Variants in CFAP54 observed in about 807,000 individuals in gnomAD.
CFAP54 encodes the protein cilia and flagella associated protein 54, also known as cilia- and flagella-associated protein 54.
A neutral mutation model predicts 370.4 loss-of-function variants in CFAP54; 290 were observed. The ratio of observed to expected loss-of-function variants is 0.78; its 90% confidence interval spans 0.71 to 0.86. The LOEUF is 0.86. Among genes scored for constraint, CFAP54 ranks in the 40% least tolerant of loss-of-function variants. CFAP54 has a pLI of 0.00. For missense variants in CFAP54, 3,399 were observed against 3,528.7 expected (o/e 0.96, Z 0.93); for synonymous variants, 1,206 against 1,236.5 (o/e 0.98, Z 0.52).
chr12:96,749,528 G>A (rs145110694), intron 55 of CFAP54, among the ~76,000 whole-genome samples: 221 of 152,298 alleles, frequency 1.5e-3, no homozygotes, highest in African/African-American at 5.0e-3. Flanking sequence ...GCACTATTGA[G>A]TGTTGACTAT....
intron 12 of CFAP54, 48 bp from the exon 13 acceptor site, chr12:96,538,336 A>G: frequency 6.3e-6 from 9 of 1,417,844 alleles, no homozygotes; most frequent in Non-Finnish European, 8.6e-6. Flanking sequence ...TGTTATATAC[A>G]TGTATTTTAT....
intron 26 of CFAP54, among the ~76,000 whole-genome samples, chr12:96,614,044 G>C (rs1269786552): frequency 1.3e-5 from 2 of 152,064 alleles, no homozygotes; most frequent in African/African-American, 4.8e-5. Context: ...ACCAAAGCCG[G>C]GCAGAGACAC....
chr12:96,679,474 T>C (rs1179602719), intron 39 of CFAP54, 126 bp from the exon 40 acceptor site: 15 of 948,214 alleles, frequency 1.6e-5, no homozygotes, highest in Non-Finnish European at 1.5e-6. Context: ...GCTGCAGATC[T>C]GGGGGCTTTG....
chr12:96,680,809 C>T lies in CFAP54; in HGVS notation c.5716+1057C>T, dbSNP rs532320775. The stretch of plus-strand genomic sequence containing the variant: ...TTAACAATGGGTAAGGCTGACTGGG[C>T]GCCGTGGCTCACGCCTGTAATCCCA... On this transcript the variant is annotated intron_variant, in intron 40 of 67. Coordinates refer to ENST00000524981, the MANE Select transcript of CFAP54 (RefSeq NM_001306084.2). Among the ~76,000 whole-genome samples the T allele has an allele frequency of 5.3e-3, 802 of 152,186 alleles. 7 individuals are homozygous for T. Among genetic ancestry groups the T allele is most frequent in the African/African-American group, 0.018 (757 of 41,528 alleles).
chr12:96,580,290 A>T (rs1956019208), intron 20 of CFAP54, among the ~76,000 whole-genome samples: 1 of 152,120 alleles, frequency 6.6e-6, no homozygotes, highest in Non-Finnish European at 1.5e-5. Context: ...GACAATAGTA[A>T]TCCCATCTCA....
intron 1 of CFAP54, among the ~76,000 whole-genome samples, chr12:96,492,227 G>C (rs1342877584): frequency 6.6e-6 from 1 of 152,088 alleles, no homozygotes; most frequent in Non-Finnish European, 1.5e-5. Flanking sequence ...CTTATCTAAA[G>C]TCTTTCTATT....
At chr12:96,727,405 G>T (rs1322908847) in intron 50 of CFAP54, among the ~76,000 whole-genome samples, 1 of 147,206 alleles carries the variant, frequency 6.8e-6, no homozygotes, top group African/African-American at 2.6e-5. Flanking sequence ...GCTTCTTGTT[G>T]AATTGATCCC....
At chr12:96,649,745 A>C (rs905004727) in intron 34 of CFAP54, 146 bp from the exon 35 acceptor site, 10 of 527,174 alleles carry the variant, frequency 1.9e-5, no homozygotes, top group African/African-American at 2.0e-5. Context: ...TCCCTGGTTC[A>C]TTGTATCTCT....
chr12:96,563,816 C>T (rs1955838518), intron 17 of CFAP54, among the ~76,000 whole-genome samples: 1 of 152,198 alleles, frequency 6.6e-6, no homozygotes, highest in African/African-American at 2.4e-5. Flanking sequence ...ACCTGAAAAT[C>T]AAGAATCAGT....
intron 36 of CFAP54, among the ~76,000 whole-genome samples, chr12:96,656,762 G>A (rs1956927766): frequency 6.6e-6 from 1 of 152,212 alleles, no homozygotes; most frequent in African/African-American, 2.4e-5. Context: ...CCAGAAATAA[G>A]GCATAGGCAT....
At chr12:96,652,470 A>G (rs1021622824) in intron 36 of CFAP54, among the ~76,000 whole-genome samples, 1 of 152,218 alleles carries the variant, frequency 6.6e-6, no homozygotes, top group Non-Finnish European at 1.5e-5. Context: ...AATGTATTTA[A>G]TGATCCCTTG....
chr12:96,784,967 A>C, intron 61 of CFAP54, 77 bp downstream of exon 61: 1 of 1,177,104 alleles, frequency 8.5e-7, no homozygotes, highest in South Asian at 2.2e-5. Flanking sequence ...GTTGAGAATT[A>C]TAAGATACTT....
At chr12:96,784,919 C>G in intron 61 of CFAP54, 29 bp downstream of exon 61, 1 of 1,383,284 alleles carries the variant, frequency 7.2e-7, no homozygotes, top group African/African-American at 1.5e-5. Flanking sequence ...TAAGAGAGAA[C>G]ATATTTCTTT....
intron 50 of CFAP54, among the ~76,000 whole-genome samples, chr12:96,727,247 C>A (rs939501098): frequency 3.9e-5 from 6 of 152,022 alleles, no homozygotes; most frequent in African/African-American, 1.5e-4. Flanking sequence ...CTTTCTGTCT[C>A]GTTGATCTGT....
At chr12:96,507,373 T>C (rs1351474758) in intron 4 of CFAP54, among the ~76,000 whole-genome samples, 2 of 152,156 alleles carry the variant, frequency 1.3e-5, no homozygotes, top group East Asian at 3.8e-4. Flanking sequence ...CAAGTAAATA[T>C]AGATGGAGAA....
chr12:96,634,845 C>T (rs1956647378), intron 32 of CFAP54, among the ~76,000 whole-genome samples: 1 of 152,194 alleles, frequency 6.6e-6, no homozygotes. Context: ...GACTATCCTT[C>T]TTCCATTGAA....
chr12:96,605,550 AC>A (rs1479407039), intron 26 of CFAP54, among the ~76,000 whole-genome samples: 1 of 152,194 alleles, frequency 6.6e-6, no homozygotes, highest in Non-Finnish European at 1.5e-5. Context: ...ATCTAAACCC[AC>A]GAGAAGACAT....
chr12:96,620,113 A>G lies in CFAP54; in HGVS notation c.3640-1477A>G, dbSNP rs376852550. ...TAGTGCCTTTGCCCTGGTCCCAAAGATACGTGTTCCAGTTCTTAGCATTAG... is the reference window on the plus strand; with the variant it reads ...TAGTGCCTTTGCCCTGGTCCCAAAGGTACGTGTTCCAGTTCTTAGCATTAG... On this transcript the variant is annotated intron_variant, in intron 26 of 67. Coordinates refer to ENST00000524981, the MANE Select transcript of CFAP54 (RefSeq NM_001306084.2). Among the ~76,000 whole-genome samples, 134 of 152,354 alleles carry G rather than the reference A, an allele frequency of 8.8e-4. No individual in the cohort carries two copies. The South Asian group carries it at 0.013, about 15-fold the overall frequency.
chr12:96,783,355 A>G (rs940944991), intron 60 of CFAP54, among the ~76,000 whole-genome samples: 2 of 152,196 alleles, frequency 1.3e-5, no homozygotes, highest in African/African-American at 4.8e-5. Flanking sequence ...ATTCAAGAAA[A>G]CATGCATAGG....
Sources: gnomAD v4.1 joint callset for allele counts (sites outside exome capture counted in the v4.1 genomes callset) on GRCh38, gnomAD v4.1.1 for gene constraint, MANE v1.5 for transcripts, NCBI Gene and HGNC (gene_info 2026-07-23, HGNC 2026-07-21) for gene names.